The following PPP1R12C variants were observed in gnomAD, a reference collection of about 807,000 sequenced individuals.
PPP1R12C encodes the protein leukocyte receptor cluster (LRC) encoded novel gene 3.
PPP1R12C carries 48 observed loss-of-function variants against 95.6 expected under a neutral mutation model. The ratio of observed to expected loss-of-function variants is 0.50; its 90% CI spans 0.40 to 0.64. The LOEUF is 0.64. Ranked by LOEUF, PPP1R12C falls within the 30% of genes least tolerant of loss-of-function variation. The probability of loss-of-function intolerance (pLI) is 0.00; values close to 1 mark genes in which losing one functional copy is unlikely to be tolerated. For missense variants in PPP1R12C, 1,057 were observed against 1,083.3 expected, an observed-to-expected ratio of 0.98 and a Z score of 0.34; for synonymous variants, 480 against 460.8, an observed-to-expected ratio of 1.04 and a Z score of -0.53.
intron 20 of PPP1R12C, 21 bp from the exon 21 acceptor site, chr19:55,091,721 G>T (rs756771959): frequency 5.8e-5 from 94 of 1,613,470 alleles, no homozygotes; most frequent in Non-Finnish European, 7.7e-5. Flanking sequence ...CAGGGAAAGT[G>T]CAGAAACTGA....
In PPP1R12C at chr19:55,112,547, T is replaced by C. The variant is rs754858541; in HGVS notation, c.491A>G (p.Asn164Ser). The change falls in exon 3 of 22, where the codon AAC becomes AGC. Residue 164 changes from asparagine (N) to serine (S), a missense_variant. Asn to Ser is a conservative substitution (Grantham distance 46, BLOSUM62 1). Coordinates refer to ENST00000263433, the MANE Select transcript of PPP1R12C (RefSeq NM_017607.4). Reference sequence around the variant, plus strand: ...GTCCAGGGGCAGGTCCCCGTCACTGTTGACGGCGGCGATGTTGGCCCCGTG... The same window carrying C: ...GTCCAGGGGCAGGTCCCCGTCACTGCTGACGGCGGCGATGTTGGCCCCGTG... ...LSHGANIAAV[N>S]SDGDLPLDLA... The C allele has an allele frequency of 1.9e-6, 3 of 1,613,224 alleles. No homozygotes were observed. The highest frequency in any genetic ancestry group is 1.7e-5 in the Admixed American group (1 of 59,996).
Position 55,098,783 on chromosome 19 carries a change from C to A in PPP1R12C, c.951+1G>T. 6.2e-7 allele frequency: 1 copy of A among 1,613,470 alleles called. No homozygotes were observed. The highest frequency in any genetic ancestry group is 8.5e-7 in the Non-Finnish European group (1 of 1,179,994). ...GTAAGCCCCTCAGCCCTGACACTCA[C>A]GTCCTCCTGTTTCCGGGCCAGTTCC... On this transcript the variant is annotated splice_donor_variant, in intron 6 of 21. Transcript: ENST00000263433. LOFTEE classifies it high-confidence loss of function.
chr19:55,093,216 G>T lies in PPP1R12C; in HGVS notation c.1701C>A (p.Asp567Glu). The T allele has an allele frequency of 6.2e-7, 1 of 1,613,288 alleles. No individual in the cohort carries two copies. The highest frequency in any genetic ancestry group is 8.5e-7 in the Non-Finnish European group (1 of 1,179,898). Reference protein sequence around the residue: ...RRSTQGVTLTDLKEAEKAAGK... With the variant: ...RRSTQGVTLTELKEAEKAAGK... ...CTGCAGCCTTCTCTGCCTCCTTCAG[G>T]TCTGTAAGAGTCACACCCTGGCAGG... Residue 567 changes from aspartate to glutamate, a missense_variant, in exon 14 of 22, where the codon GAC becomes GAA. Transcript: ENST00000263433.
intron 1 of PPP1R12C, 77 bp downstream of exon 1, chr19:55,117,146 C>T (rs1038985463): frequency 3.5e-6 from 4 of 1,137,612 alleles, no homozygotes; most frequent in Non-Finnish European, 4.4e-6. Context: ...AGACTGGCAA[C>T]GGGGAAGGAG....
intron 19 of PPP1R12C, 141 bp downstream of exon 19, chr19:55,092,081 C>G (rs951804528): frequency 2.7e-6 from 3 of 1,096,508 alleles, no homozygotes; most frequent in Non-Finnish European, 2.6e-6. Flanking sequence ...CGCTCAGACT[C>G]CGCCTCCGAG....
At chr19:55,097,338 T>C (rs2084929127) in intron 6 of PPP1R12C, among the ~76,000 whole-genome samples, 1 of 106,974 alleles carries the variant, frequency 9.3e-6, no homozygotes, top group Non-Finnish European at 1.9e-5. Flanking sequence ...TTCCCTGCAG[T>C]TCACCACCGT....
Position 55,092,293 on chromosome 19 carries a change from G to A in PPP1R12C, c.2089C>T (p.Leu697Phe), listed in dbSNP as rs375084368. 3.7e-6 allele frequency: 6 copies of A among 1,601,102 alleles called. No homozygotes were observed. The Admixed American group carries it at 8.5e-5, about 23-fold the overall frequency. The change falls in exon 19 of 22, where the codon CTT becomes TTT. Residue 697 changes from leucine (L) to phenylalanine (F), a missense_variant. By Grantham distance (22) the Leu-to-Phe change is conservative. This residue lies in a region of PPP1R12C where 347 missense variants were observed against 307.9 expected (regional missense o/e 1.13). Coordinates refer to ENST00000263433, the MANE Select transcript of PPP1R12C (RefSeq NM_017607.4). ...YAELRRENER[L>F]REALTETTLR... ...GTGGTCTCGGTCAGGGCCTCGCGAA[G>A]CCGCTCGTTCTCCCTGCGCAGCTCT... is the stretch of plus-strand genomic sequence containing the variant.
At position 55,103,391 on chromosome 19, in the gene PPP1R12C, C is replaced by A; in HGVS notation, c.731+18G>T. On this transcript the variant is annotated intron_variant, in intron 4 of 21. Transcript: ENST00000263433. Reference sequence around the variant, plus strand: ...GAAGGTATAAGACAGCAAGATGGAACAGACTGGCCCAACTCACCTCATCAC... The same window carrying A: ...GAAGGTATAAGACAGCAAGATGGAAAAGACTGGCCCAACTCACCTCATCAC... 2.7e-6 allele frequency: 4 copies of A among 1,455,598 alleles called. No homozygotes were observed. In the South Asian group the frequency reaches 4.2e-5, roughly 15 times the overall value. 90.2% of individuals were successfully genotyped at this position (1,455,598 alleles called of 1,614,324 possible).
At chr19:55,092,891 C>T (rs2084863558) in intron 15 of PPP1R12C, 23 bp from the exon 16 acceptor site, 1 of 1,601,792 alleles carries the variant, frequency 6.2e-7, no homozygotes, top group African/African-American at 1.3e-5. Flanking sequence ...CAGGAATCAG[C>T]CCAGGCACCT....
chr19:55,100,990 CTATAAT>C (rs1281259976), intron 4 of PPP1R12C, among the ~76,000 whole-genome samples: 1 of 152,088 alleles, frequency 6.6e-6, no homozygotes, highest in Non-Finnish European at 1.5e-5. Context: ...TGGCTCATGC[CTATAAT>C]CCAGCACTCT....
At chr19:55,099,119 TCAGAGGCCAAGG>T in intron 4 of PPP1R12C, 24 bp from the exon 5 acceptor site, 1 of 1,503,080 alleles carries the variant, frequency 6.7e-7, no homozygotes, top group Non-Finnish European at 8.9e-7. Context: ...AGGCTCAGGG[TCAGAGGCCAAGG>T]CGGGGCCCTT....
At chr19:55,095,072 G>A (rs2147182082) in intron 11 of PPP1R12C, 1 of 691,446 alleles carries the variant, frequency 1.4e-6, no homozygotes, top group East Asian at 2.7e-5. Context: ...AGGGTGGTCA[G>A]TGTGCACCTC....
At chr19:55,097,180 CCG>C (rs1340284242) in intron 6 of PPP1R12C, 1 of 245,832 alleles carries the variant, frequency 4.1e-6, no homozygotes. Flanking sequence ...CAGTTCACCA[CCG>C]TCTTCACCCC....
chr19:55,094,936 A>G, intron 11 of PPP1R12C, 138 bp from the exon 12 acceptor site: 2 of 994,226 alleles, frequency 2.0e-6, no homozygotes, highest in Non-Finnish European at 3.0e-6. Context: ...CAAAACCCAC[A>G]AAAGCCATGA....
At chr19:55,115,186 G>A (rs909694745) in intron 1 of PPP1R12C, 1 of 152,268 alleles carries the variant, frequency 6.6e-6, no homozygotes, top group Non-Finnish European at 1.5e-5. Flanking sequence ...ACGACCTGGT[G>A]AACACCTAGG....
At chr19:55,117,100 G>A in intron 1 of PPP1R12C, 123 bp downstream of exon 1, 1 of 848,398 alleles carries the variant, frequency 1.2e-6, no homozygotes, top group Non-Finnish European at 1.5e-6. Context: ...AGCATAGGGT[G>A]GCAAAGCCCA....
chr19:55,116,862 C>T (rs1479186951), intron 1 of PPP1R12C, among the ~76,000 whole-genome samples: 1 of 151,832 alleles, frequency 6.6e-6, no homozygotes, highest in Non-Finnish European at 1.5e-5. Context: ...GAGGGGAAGT[C>T]GAGGGAGGGA....
chr19:55,091,448 C>G lies in PPP1R12C; in HGVS notation c.*24G>C. On this transcript the variant is annotated 3_prime_UTR_variant, in exon 22 of 22. Coordinates refer to ENST00000263433, the MANE Select transcript of PPP1R12C (RefSeq NM_017607.4). ...TGTGGCAGAAGCAGCTGTATAAATA[C>G]GGGTGCGGGAAAGTCCCTCCGGGTC... is the stretch of plus-strand genomic sequence containing the variant. The G allele has an allele frequency of 6.3e-7, 1 of 1,599,274 alleles. No individual in the cohort carries two copies. Among genetic ancestry groups the G allele is most frequent in the African/African-American group, 1.3e-5 (1 of 74,718 alleles).
chr19:55,093,030 C>A lies in PPP1R12C; in HGVS notation c.1811G>T (p.Ser604Ile). 1.3e-6 allele frequency: 2 copies of A among 1,584,956 alleles called. No individual in the cohort carries two copies. Among genetic ancestry groups the A allele is most frequent in the East Asian group, 2.2e-5 (1 of 44,628 alleles). The change falls in exon 15 of 22, where the codon AGC (serine) becomes ATC (isoleucine). Residue 604 changes from serine to isoleucine, a missense_variant. By Grantham distance (142) the Ser-to-Ile change is moderately radical. Coordinates refer to ENST00000263433, the MANE Select transcript of PPP1R12C (RefSeq NM_017607.4). ...PRVPGVENSD[S>I]PAQRAEAPDG... ...GCAGACCTCACCTCTCTGGGCAGGGCTGTCAGAGTTCTCCACTCCAGGGAC... is the reference window on the plus strand; with the variant it reads ...GCAGACCTCACCTCTCTGGGCAGGGATGTCAGAGTTCTCCACTCCAGGGAC...
Sources: allele counts gnomAD v4.1 joint callset (sites outside exome capture counted in the v4.1 genomes callset), GRCh38; gene constraint gnomAD v4.1.1; regional missense constraint gnomAD v4.1.1; transcripts MANE v1.5; gene names NCBI Gene and HGNC (gene_info 2026-07-23, HGNC 2026-07-21).